Variants in MCM8 observed in about 807,000 individuals in gnomAD.
MCM8 encodes DNA helicase MCM8.
A neutral mutation model predicts 98.9 loss-of-function variants in MCM8; 85 were observed. That is an observed-to-expected ratio of 0.86 (90% confidence interval 0.72 to 1.03). The LOEUF (loss-of-function observed/expected upper bound fraction) is 1.03. Among genes scored for constraint, MCM8 ranks in the 50% least tolerant of loss-of-function variants. The pLI, the probability that MCM8 is intolerant of heterozygous loss-of-function variation, is 0.00. For synonymous variants in MCM8, 352 were observed against 338.6 expected (o/e 1.04, Z -0.44); for missense variants, 951 against 997.8 (o/e 0.95, Z 0.63).
At chr20:5,971,923 C>T in intron 10 of MCM8, 84 bp from the exon 11 acceptor site, 4 of 1,100,764 alleles carry the variant, frequency 3.6e-6, no homozygotes, top group East Asian at 2.5e-5. Flanking sequence ...TGATATTAAG[C>T]AGGTTAAACA....
chr20:5,957,489 T>C (rs915936711), intron 6 of MCM8, among the ~76,000 whole-genome samples: 1 of 152,222 alleles, frequency 6.6e-6, no homozygotes, highest in African/African-American at 2.4e-5. Context: ...TGTGAACTTA[T>C]CAAGACCCTG....
At chr20:5,972,164 T>G in intron 11 of MCM8, 127 bp downstream of exon 11, 3 of 586,970 alleles carry the variant, frequency 5.1e-6, no homozygotes, top group Non-Finnish European at 8.7e-6. Context: ...CTTTGTAAAT[T>G]AATGATATGG....
chr20:5,951,128 T>G (rs1280227119), intron 1 of MCM8, 105 bp downstream of exon 1: 1 of 152,246 alleles, frequency 6.6e-6, no homozygotes, highest in Non-Finnish European at 1.5e-5. Context: ...TCTTAACGTT[T>G]TTTTGAATTT....
At chr20:5,977,231 C>G (rs768696213) in intron 12 of MCM8, among the ~76,000 whole-genome samples, 8 of 152,214 alleles carry the variant, frequency 5.3e-5, no homozygotes, top group Non-Finnish European at 7.3e-5. Context: ...ACATTGGGCA[C>G]TTATGTGCCA....
Position 5,986,086 on chromosome 20 carries a change from A to C in MCM8, c.2118A>C (p.Ser706=), listed in dbSNP as rs756600179. The change falls in exon 16 of 19, where the codon TCA becomes TCC. Residue 706 remains serine (S), a synonymous_variant. Coordinates refer to ENST00000610722, the MANE Select transcript of MCM8 (RefSeq NM_032485.6). ...AACAGAGCCAGAGGTTAAATAGCTC[A>C]CCAATCACTACCAGGCAGCTGGAAT... The part of the protein sequence containing the change: ...LRKQSQRLNS[S]PITTRQLESL... 6.2e-7 allele frequency: 1 copy of C among 1,614,218 alleles called. No homozygotes were observed. Among genetic ancestry groups the C allele is most frequent in the Non-Finnish European group, 8.5e-7 (1 of 1,180,040 alleles).
intron 3 of MCM8, among the ~76,000 whole-genome samples, chr20:5,954,150 A>G (rs762957025): frequency 1.2e-4 from 19 of 152,054 alleles, no homozygotes; most frequent in Non-Finnish European, 2.5e-4. Flanking sequence ...AGAGTGTTAA[A>G]AAAAAAAAGG....
intron 12 of MCM8, among the ~76,000 whole-genome samples, chr20:5,973,761 C>T (rs1393277534): frequency 2.0e-5 from 3 of 151,460 alleles, no homozygotes; most frequent in Non-Finnish European, 4.4e-5. Context: ...TTTAAGCAAT[C>T]CCTGTGCCTC....
At position 5,986,143 on chromosome 20, in the gene MCM8, T is replaced by G. The variant is rs965572750; in HGVS notation, c.2163+12T>G. The G allele has an allele frequency of 1.2e-6, 2 of 1,613,418 alleles. No homozygotes were observed. The highest frequency in any genetic ancestry group is 2.7e-5 in the African/African-American group (2 of 74,860). Reference sequence around the variant, plus strand: ...TTCGTCTGACAGAGGTTTGTTTCTTTTTATGGTCATGCTTTTTTTGGCTTA... The same window carrying G: ...TTCGTCTGACAGAGGTTTGTTTCTTGTTATGGTCATGCTTTTTTTGGCTTA... On this transcript the variant is annotated intron_variant, in intron 16 of 18. Coordinates refer to ENST00000610722, the MANE Select transcript of MCM8 (RefSeq NM_032485.6).
chr20:5,954,963 A>G (rs2088935196), intron 4 of MCM8, 139 bp from the exon 5 acceptor site: 2 of 653,296 alleles, frequency 3.1e-6, no homozygotes, highest in Admixed American at 3.1e-5. Context: ...TGCTTGGCAC[A>G]AAGCTTATAC....
chr20:5,958,388 G>A, intron 6 of MCM8, 140 bp from the exon 7 acceptor site: 1 of 692,044 alleles, frequency 1.4e-6, no homozygotes, highest in Non-Finnish European at 2.4e-6. Context: ...AACACAACAA[G>A]AATGGTTTAA....
chr20:5,953,059 G>C (rs1406775180), intron 3 of MCM8, among the ~76,000 whole-genome samples: 1 of 152,238 alleles, frequency 6.6e-6, no homozygotes, highest in East Asian at 1.9e-4. Flanking sequence ...GCATGACTCA[G>C]TGGTGCTTGG....
chr20:5,991,472 A>C (rs1283207483), intron 17 of MCM8: 2 of 152,144 alleles, frequency 1.3e-5, no homozygotes, highest in East Asian at 3.8e-4. Context: ...TGGGCCCCTG[A>C]AAAAAAGAGG....
At chr20:5,975,259 T>TAA (rs534162187) in intron 12 of MCM8, among the ~76,000 whole-genome samples, 1 of 139,692 alleles carries the variant, frequency 7.2e-6, no homozygotes, top group African/African-American at 2.6e-5. Context: ...ACCCTGTCTT[T>TAA]AAAAAAAAAA....
chr20:5,954,831 C>T (rs1568568057), intron 4 of MCM8, 141 bp downstream of exon 4: 11 of 607,064 alleles, frequency 1.8e-5, no homozygotes, highest in Admixed American at 3.1e-5. Context: ...GCAGTATGGA[C>T]TTTGATTAAT....
Position 5,996,909 on chromosome 20 carries a change from A to G in MCM8, c.*2518A>G, listed in dbSNP as rs1271428140. The G allele has an allele frequency of 6.6e-6, 1 of 152,272 alleles. No homozygotes were observed. The highest frequency in any genetic ancestry group is 1.9e-4 in the East Asian group (1 of 5,198). The allele number at this position is 152,272 out of a possible 1,614,324, so 9.4% of individuals were successfully genotyped here. A position where few individuals can be genotyped will look rare whatever the true frequency, so the allele number is the denominator to read the frequency against. ...CATATAGTATTTCACTTCCTGCCCA[A>G]TAGTGGGTGTCCCCACACCTTTCAA... On this transcript the variant is annotated 3_prime_UTR_variant, in exon 19 of 19. Transcript: ENST00000610722.
intron 15 of MCM8, 57 bp downstream of exon 15, chr20:5,985,057 T>C (rs771124164): frequency 1.4e-6 from 2 of 1,430,110 alleles, no homozygotes; most frequent in South Asian, 1.2e-5. Context: ...CAAAGTTCAG[T>C]GTGTGGCTTA....
Position 5,984,897 on chromosome 20 carries a change from A to G in MCM8, c.1850A>G (p.Gln617Arg). The change falls in exon 15 of 19, where the codon CAG becomes CGG. Residue 617 changes from glutamine to arginine, a missense_variant. Coordinates refer to ENST00000610722, the MANE Select transcript of MCM8 (RefSeq NM_032485.6). ...EHVIAIRAGK[Q>R]RTISSATVAR... Reference sequence around the variant, plus strand: ...GTGATTGCAATAAGAGCTGGAAAGCAGAGAACCATTAGCAGTGCCACAGTA... The same window carrying G: ...GTGATTGCAATAAGAGCTGGAAAGCGGAGAACCATTAGCAGTGCCACAGTA... 6.2e-7 allele frequency: 1 copy of G among 1,614,146 alleles called. No individual in the cohort carries two copies. Among genetic ancestry groups the G allele is most frequent in the Non-Finnish European group, 8.5e-7 (1 of 1,179,996 alleles).
At position 5,967,057 on chromosome 20, in the gene MCM8, G is replaced by A. The variant is rs537538662; in HGVS notation, c.876-379G>A. On this transcript the variant is annotated intron_variant, in intron 8 of 18. Coordinates refer to ENST00000610722, the MANE Select transcript of MCM8 (RefSeq NM_032485.6). ...CTCTGGGGCTCTGCTAAGAACGTTG[G>A]GTCCCACTTTGCTTGTACGCTTATA... Among the ~76,000 whole-genome samples the A allele has an allele frequency of 7.9e-5, 12 of 152,194 alleles. 1 individual carries two copies. The highest frequency in any genetic ancestry group is 4.2e-4 in the South Asian group (2 of 4,818).
chr20:5,957,053 C>T, intron 5 of MCM8, 73 bp from the exon 6 acceptor site: 1 of 880,606 alleles, frequency 1.1e-6, no homozygotes, highest in Non-Finnish European at 1.7e-6. Context: ...TTTATATTCT[C>T]TATAAAAATA....
Sources: gnomAD v4.1 joint callset for allele counts (sites outside exome capture counted in the v4.1 genomes callset) on GRCh38, gnomAD v4.1.1 for gene constraint, MANE v1.5 for transcripts, NCBI Gene and HGNC (gene_info 2026-07-23, HGNC 2026-07-21) for gene names.